The following NLRP7 variants were observed in gnomAD, a reference collection of about 807,000 sequenced individuals.
The protein encoded by NLRP7 is NLR family pyrin domain containing 7.
Under a neutral mutation model 85.5 loss-of-function variants are expected in NLRP7, and 72 were observed. The observed-to-expected ratio is 0.84, with a 90% CI of 0.70 to 1.02. The LOEUF (loss-of-function observed/expected upper bound fraction) is 1.02. Among genes scored for constraint, NLRP7 ranks in the 50% least tolerant of loss-of-function variants. NLRP7 has a pLI of 0.00. For synonymous variants in NLRP7, 550 were observed against 505.2 expected (o/e 1.09, Z -1.19); for missense variants, 1,243 against 1,219.5 (o/e 1.02, Z -0.29).
chr19:54,941,657 C>T (rs866746156), exon 2 of NLRP7: 15 of 1,613,758 alleles, frequency 9.3e-6, no homozygotes, highest in Middle Eastern at 1.6e-4. Context: ...AATTCATCCT[C>T]GTTCAGCTGC....
chr19:54,949,506 C>T (rs1052258468), upstream of NLRP7, among the ~76,000 whole-genome samples: 3 of 152,090 alleles, frequency 2.0e-5, no homozygotes, highest in Middle Eastern at 3.2e-3. Context: ...GGCCTTTAGT[C>T]CTAGAGCAGC....
chr19:54,930,218 G>A (rs181504214), intron 9 of NLRP7, among the ~76,000 whole-genome samples: 2 of 151,872 alleles, frequency 1.3e-5, no homozygotes, highest in Admixed American at 1.3e-4. Context: ...TGTAATCCTA[G>A]CACATTGGGA....
At chr19:54,953,250 C>G (rs775114126) in intron 1 of NLRP7, 1 of 152,098 alleles carries the variant, frequency 6.6e-6, no homozygotes, top group African/African-American at 2.4e-5. Context: ...CCAGGGGCAT[C>G]GGCAAGACTC....
chr19:54,938,826 A>C, intron 4 of NLRP7, 62 bp downstream of exon 4: 1 of 1,582,804 alleles, frequency 6.3e-7, no homozygotes, highest in Non-Finnish European at 8.6e-7. Flanking sequence ...ACAGTAAGCG[A>C]CAGGGCAAAG....
intron 1 of NLRP7, among the ~76,000 whole-genome samples, chr19:54,962,024 G>A (rs1322141823): frequency 6.6e-6 from 1 of 150,442 alleles, no homozygotes; most frequent in Non-Finnish European, 1.5e-5. Context: ...TTAGCCGGGC[G>A]TGGTGGTACA....
intron 8 of NLRP7, among the ~76,000 whole-genome samples, chr19:54,932,653 GTTTT>G (rs535425008): frequency 6.6e-6 from 1 of 150,960 alleles, no homozygotes; most frequent in African/African-American, 2.4e-5. Context: ...TTTTTGTTGA[GTTTT>G]TTTTTGTTTT....
At chr19:54,952,283 C>T (rs144857433), upstream of NLRP7, among the ~76,000 whole-genome samples, 534 of 152,086 alleles carry the variant, frequency 3.5e-3, 5 homozygotes, top group African/African-American at 0.012. Flanking sequence ...CTCTGGCCCA[C>T]ACCAAAACAC....
At chr19:54,948,630 G>A (rs1024870098), upstream of NLRP7, among the ~76,000 whole-genome samples, 1 of 152,076 alleles carries the variant, frequency 6.6e-6, no homozygotes, top group East Asian at 1.9e-4. Flanking sequence ...GAGTGCAGTG[G>A]TGCAATCTCC....
upstream of NLRP7, among the ~76,000 whole-genome samples, chr19:54,951,411 T>C (rs1012172424): frequency 6.6e-6 from 1 of 151,764 alleles, no homozygotes; most frequent in Non-Finnish European, 1.5e-5. Flanking sequence ...CGGGGCATGG[T>C]AGTTCAACGC....
intron 9 of NLRP7, among the ~76,000 whole-genome samples, chr19:54,924,569 A>G (rs1274744509): frequency 6.6e-6 from 1 of 152,174 alleles, no homozygotes. Context: ...GGTTGCAACG[A>G]GCTAGAGATT....
chr19:54,941,677 G>A, exon 2 of NLRP7: 1 of 1,613,598 alleles, frequency 6.2e-7, no homozygotes, highest in Non-Finnish European at 8.5e-7. Context: ...CTCCAGAAGG[G>A]TCTGCAGAGT....
exon 4 of NLRP7, chr19:54,939,738 A>G (rs148279497): frequency 6.8e-6 from 11 of 1,613,478 alleles, no homozygotes; most frequent in South Asian, 2.2e-5. Flanking sequence ...GCGGGGGCCG[A>G]GCCCAGCTGG....
Position 54,939,049 on chromosome 19 carries a change from C to T in NLRP7, c.1770G>A (p.Pro590=), listed in dbSNP as rs146699360. Residue 590 remains proline (P), a synonymous_variant, in exon 4 of 10, where the codon CCG becomes CCA. Transcript: ENST00000340844. ...TCAGGTGAATAGAAATTTCCTTGAACGGGGCCACCACCACCTTCGCCAGCT... is the reference window on the plus strand; with the variant it reads ...TCAGGTGAATAGAAATTTCCTTGAATGGGGCCACCACCACCTTCGCCAGCT... 2.4e-4 allele frequency: 381 copies of T among 1,614,190 alleles called. No homozygotes were observed. The African/African-American group carries it at 3.4e-3, about 15-fold the overall frequency.
chr19:54,930,540 A>G (rs1314347937), exon 9 of NLRP7: 2 of 1,611,502 alleles, frequency 1.2e-6, no homozygotes, highest in Non-Finnish European at 1.7e-6. Flanking sequence ...CTAATGCCTG[A>G]CAGAGAATCC....
intron 1 of NLRP7, among the ~76,000 whole-genome samples, chr19:54,960,457 G>A (rs2146286015): frequency 6.6e-6 from 1 of 151,242 alleles, no homozygotes; most frequent in Admixed American, 6.6e-5. Context: ...CGCTCAACCA[G>A]AAGTCTGTTT....
intron 8 of NLRP7, among the ~76,000 whole-genome samples, chr19:54,932,582 C>G (rs2068722701): frequency 6.6e-6 from 1 of 152,150 alleles, no homozygotes; most frequent in Admixed American, 6.6e-5. Context: ...TAACAAGATT[C>G]AGCCAACTAT....
At chr19:54,930,410 C>T (rs956775693) in intron 9 of NLRP7, 89 bp downstream of exon 9, 14 of 892,122 alleles carry the variant, frequency 1.6e-5, no homozygotes, top group African/African-American at 9.8e-5. Context: ...CGCAGTGAGC[C>T]GTAATCACCC....
At chr19:54,941,092 G>T in intron 2 of NLRP7, 87 bp from the exon 3 acceptor site, 1 of 1,002,324 alleles carries the variant, frequency 1.0e-6, no homozygotes, top group Non-Finnish European at 1.6e-6. Flanking sequence ...AGCCAGGCAT[G>T]GTGGCTCATG....
At chr19:54,939,647 G>C (rs749577734) in exon 4 of NLRP7, 2 of 1,611,806 alleles carry the variant, frequency 1.2e-6, no homozygotes, top group Non-Finnish European at 1.7e-6. Flanking sequence ...GAACAGCCCC[G>C]TGCGGGTGAG....
Sources: allele counts gnomAD v4.1 joint callset (sites outside exome capture counted in the v4.1 genomes callset), GRCh38; gene constraint gnomAD v4.1.1; transcripts MANE v1.5; gene names NCBI Gene and HGNC (gene_info 2026-07-23, HGNC 2026-07-21).